Variants in STARD13 observed in about 807,000 individuals in gnomAD.
STARD13 encodes the protein stAR-related lipid transfer protein 13.
STARD13 carries 62 observed loss-of-function variants against 106.4 expected under a neutral mutation model. That is an observed-to-expected ratio of 0.58 (90% CI 0.48 to 0.72). STARD13 has a LOEUF of 0.72. Among genes scored for constraint, STARD13 ranks in the 30% least tolerant of loss-of-function variants. The pLI is 0.00. For synonymous variants in STARD13, 565 were observed against 553.0 expected, an observed-to-expected ratio of 1.02 and a Z score of -0.31; for missense variants, 1,387 against 1,424.0, an observed-to-expected ratio of 0.97 and a Z score of 0.42.
intron 2 of STARD13, among the ~76,000 whole-genome samples, chr13:33,165,644 T>A (rs192785068): frequency 6.6e-6 from 1 of 152,204 alleles, no homozygotes; most frequent in Admixed American, 6.5e-5. Context: ...TGACCTTGGA[T>A]AGGATTGAAC....
the STARD13 span, among the ~76,000 whole-genome samples, chr13:33,550,344 A>C: frequency 6.6e-6 from 1 of 152,198 alleles, no homozygotes; most frequent in Admixed American, 6.5e-5. Flanking sequence ...CTATCATAGC[A>C]AGGTTTTCTT....
At chr13:33,499,529 TTCTTCTTCTTCTTCTTCTTCTTC>T in the STARD13 span, among the ~76,000 whole-genome samples, 1 of 51,514 alleles carries the variant, frequency 1.9e-5, no homozygotes, top group East Asian at 5.6e-4. Context: ...TTTCTTCTTC[TTCTTCTTCTTCTTCTTCTTCTTC>T]TTCTTCTTCT....
intron 1 of STARD13, among the ~76,000 whole-genome samples, chr13:33,236,412 G>A (rs573584407): frequency 1.3e-5 from 2 of 152,218 alleles, no homozygotes; most frequent in African/African-American, 4.8e-5. Flanking sequence ...GCATGGCTGC[G>A]TGAGTGTTAG....
chr13:33,186,159 C>A (rs1177946163), intron 1 of STARD13: 4 of 989,098 alleles, frequency 4.0e-6, no homozygotes, highest in Non-Finnish European at 5.8e-6. Flanking sequence ...CTCCACACTT[C>A]CTTTCCTCAT....
At chr13:33,540,100 G>C in the STARD13 span, among the ~76,000 whole-genome samples, 1 of 152,206 alleles carries the variant, frequency 6.6e-6, no homozygotes, top group African/African-American at 2.4e-5. Flanking sequence ...TTAAACTATA[G>C]TAGTTCCCCC....
the STARD13 span, among the ~76,000 whole-genome samples, chr13:33,546,960 A>T: frequency 2.6e-5 from 4 of 152,178 alleles, no homozygotes; most frequent in African/African-American, 9.7e-5. Flanking sequence ...TATGGATAAA[A>T]TATTTTCAGT....
At chr13:33,205,922 C>A in intron 1 of STARD13, 1 of 985,398 alleles carries the variant, frequency 1.0e-6, no homozygotes, top group Non-Finnish European at 1.2e-6. Flanking sequence ...CAGAAACTGA[C>A]AGATGGTGCA....
chr13:33,168,511 A>C (rs1883583998), intron 1 of STARD13, among the ~76,000 whole-genome samples: 1 of 152,186 alleles, frequency 6.6e-6, no homozygotes, highest in South Asian at 2.1e-4. Context: ...GACAAATATG[A>C]ATCCAAGGGG....
chr13:33,556,170 AGAT>A, the STARD13 span, among the ~76,000 whole-genome samples: 3 of 152,372 alleles, frequency 2.0e-5, no homozygotes, highest in African/African-American at 7.2e-5. Flanking sequence ...AATAAAATCA[AGAT>A]GATGTTTAAT....
the STARD13 span, among the ~76,000 whole-genome samples, chr13:33,509,721 C>G: frequency 6.6e-6 from 1 of 152,164 alleles, no homozygotes; most frequent in African/African-American, 2.4e-5. Flanking sequence ...AGAGCAACAG[C>G]CAACAGATCT....
chr13:33,558,664 T>TGCTCAGAGGTCAGGAG, the STARD13 span, among the ~76,000 whole-genome samples: 2 of 151,870 alleles, frequency 1.3e-5, no homozygotes, highest in African/African-American at 4.9e-5. Flanking sequence ...GCTCAGAAGC[T>TGCTCAGAGGTCAGGAG]AATGTTTCAC....
chr13:33,674,715 A>G, the STARD13 span, among the ~76,000 whole-genome samples: 1 of 152,040 alleles, frequency 6.6e-6, no homozygotes, highest in Non-Finnish European at 1.5e-5. Flanking sequence ...CATCTTTAGT[A>G]AAAGAAACAG....
the STARD13 span, among the ~76,000 whole-genome samples, chr13:33,549,211 A>G: frequency 5.9e-5 from 9 of 152,340 alleles, no homozygotes; most frequent in South Asian, 1.9e-3. Flanking sequence ...GTTTAGTTAG[A>G]TGTGTTGCTA....
At chr13:33,196,427 G>A (rs1027436142) in intron 1 of STARD13, among the ~76,000 whole-genome samples, 8 of 152,146 alleles carry the variant, frequency 5.3e-5, no homozygotes, top group Non-Finnish European at 8.8e-5. Flanking sequence ...TATTTTTAAA[G>A]AAACAAATTG....
At chr13:33,397,971 C>T in the STARD13 span, among the ~76,000 whole-genome samples, 1 of 152,184 alleles carries the variant, frequency 6.6e-6, no homozygotes, top group Non-Finnish European at 1.5e-5. Context: ...ATGCTATTAT[C>T]TTGGGGATAA....
In STARD13 at chr13:33,285,453, C is replaced by T. The variant is rs1892006557; in HGVS notation, c.169+17G>A. On this transcript the variant is annotated intron_variant, in intron 1 of 13. Coordinates refer to ENST00000336934, the MANE Select transcript of STARD13 (RefSeq NM_178006.4). ...GAAATCAGAATGAGCAACAGCCTTCCACTGCCGGCCACTCACCTTGTTGAA... is the reference window on the plus strand; with the variant it reads ...GAAATCAGAATGAGCAACAGCCTTCTACTGCCGGCCACTCACCTTGTTGAA... 2 of 1,608,426 alleles carry T rather than the reference C, an allele frequency of 1.2e-6. No individual in the cohort carries two copies. The highest frequency in any genetic ancestry group is 8.5e-7 in the Non-Finnish European group (1 of 1,176,628).
the STARD13 span, among the ~76,000 whole-genome samples, chr13:33,653,821 A>G: frequency 6.6e-6 from 1 of 152,344 alleles, no homozygotes; most frequent in Non-Finnish European, 1.5e-5. Flanking sequence ...GATCTCTTAC[A>G]ACTCTACAAC....
intron 1 of STARD13, among the ~76,000 whole-genome samples, chr13:33,314,680 T>C (rs1594252220): frequency 6.6e-6 from 1 of 152,160 alleles, no homozygotes; most frequent in East Asian, 1.9e-4. Flanking sequence ...ATGAGATCAG[T>C]ATTATTATCC....
At chr13:33,310,347 G>A (rs1027186532) in intron 1 of STARD13, among the ~76,000 whole-genome samples, 15 of 152,144 alleles carry the variant, frequency 9.9e-5, no homozygotes, top group Non-Finnish European at 1.8e-4. Context: ...GATTATAATA[G>A]AATATTTTGC....
Sources: gnomAD v4.1 joint callset for allele counts (sites outside exome capture counted in the v4.1 genomes callset) on GRCh38, gnomAD v4.1.1 for gene constraint, MANE v1.5 for transcripts, NCBI Gene and HGNC (gene_info 2026-07-23, HGNC 2026-07-21) for gene names.